Variants in CLMN observed in about 807,000 individuals in gnomAD.
CLMN encodes the protein calmin, also known as calmin (calponin-like, transmembrane).
CLMN carries 57 observed loss-of-function variants against 92.7 expected under a neutral mutation model. The observed-to-expected ratio is 0.61, with a 90% CI of 0.50 to 0.77. CLMN has a LOEUF of 0.77. Among genes scored for constraint, CLMN ranks in the 30% least tolerant of loss-of-function variants. CLMN has a pLI of 0.00. For missense variants in CLMN, 1,158 were observed against 1,237.5 expected (o/e 0.94, Z 0.96); for synonymous variants, 466 against 470.6 (o/e 0.99, Z 0.13).
In CLMN at chr14:95,210,742, T is replaced by G. The variant is rs773839918; in HGVS notation, c.746A>C (p.Lys249Thr). The G allele has an allele frequency of 3.1e-6, 5 of 1,609,964 alleles. No individual in the cohort carries two copies. Among genetic ancestry groups the G allele is most frequent in the Admixed American group, 1.7e-5 (1 of 59,378 alleles). ...LENSTRENLE[K>T]AFSIAQDALH... The stretch of plus-strand genomic sequence containing the variant: ...GGCATCCTGTGCGATGCTGAAAGCC[T>G]TCTCTAGATTTTCTCGTGTGGAATT... The change falls in exon 7 of 13, where the codon AAG becomes ACG. Residue 249 changes from lysine (K) to threonine (T), a missense_variant. Lys to Thr is a moderately conservative substitution (Grantham distance 78). Transcript: ENST00000298912.
At chr14:95,218,222 GGTAA>G (rs1223041730) in intron 4 of CLMN, among the ~76,000 whole-genome samples, 2 of 152,176 alleles carry the variant, frequency 1.3e-5, no homozygotes, top group African/African-American at 4.8e-5. Context: ...TCAGGGGCCT[GGTAA>G]GTGATGACAG....
intron 3 of CLMN, chr14:95,222,527 T>C (rs1054747282): frequency 1.3e-5 from 6 of 454,546 alleles, no homozygotes; most frequent in Admixed American, 2.4e-5. Context: ...GGAGGCCTGT[T>C]CTTGGCTGGG....
chr14:95,280,025 G>A (rs1356966745), intron 1 of CLMN, among the ~76,000 whole-genome samples: 1 of 151,414 alleles, frequency 6.6e-6, no homozygotes, highest in Non-Finnish European at 1.5e-5. Flanking sequence ...AAGTTAGATA[G>A]GCTAAAGCTG....
intron 1 of CLMN, among the ~76,000 whole-genome samples, chr14:95,252,818 G>A (rs763767578): frequency 2.6e-5 from 4 of 152,188 alleles, no homozygotes; most frequent in African/African-American, 4.8e-5. Flanking sequence ...GTGCTGTCAC[G>A]TGTGATGCCG....
chr14:95,193,294 AC>A (rs1468239968), intron 12 of CLMN: 4 of 1,475,842 alleles, frequency 2.7e-6, no homozygotes, highest in Non-Finnish European at 2.7e-6. Flanking sequence ...GGCCAGGCCA[AC>A]AGTTCTCCGA....
At chr14:95,237,916 G>A (rs1266470950) in intron 1 of CLMN, among the ~76,000 whole-genome samples, 4 of 152,120 alleles carry the variant, frequency 2.6e-5, no homozygotes, top group Non-Finnish European at 4.4e-5. Flanking sequence ...AACTGCAAGC[G>A]TCCTTGGCTC....
chr14:95,297,850 C>G (rs897358866), intron 1 of CLMN, among the ~76,000 whole-genome samples: 1 of 142,298 alleles, frequency 7.0e-6, no homozygotes, highest in Non-Finnish European at 1.6e-5. Flanking sequence ...CACACACACA[C>G]AGAGTGCATG....
At chr14:95,208,267 C>T (rs1044078371) in intron 8 of CLMN, among the ~76,000 whole-genome samples, 1 of 152,098 alleles carries the variant, frequency 6.6e-6, no homozygotes, top group African/African-American at 2.4e-5. Context: ...TCTGAGTCCC[C>T]TAAGCCAGGG....
At chr14:95,242,125 T>C (rs1297944005) in intron 1 of CLMN, among the ~76,000 whole-genome samples, 1 of 150,530 alleles carries the variant, frequency 6.6e-6, no homozygotes, top group Non-Finnish European at 1.5e-5. Flanking sequence ...CAGTCCTGGG[T>C]GCACATGATG....
At chr14:95,240,592 G>A (rs115516520) in intron 1 of CLMN, among the ~76,000 whole-genome samples, 2,887 of 152,260 alleles carry the variant, frequency 0.019, 83 homozygotes, top group African/African-American at 0.053. Context: ...TGTTGAGTGA[G>A]AAATAAATAT....
intron 1 of CLMN, chr14:95,296,079 T>G (rs1900798827): frequency 6.6e-6 from 1 of 152,252 alleles, no homozygotes; most frequent in Non-Finnish European, 1.5e-5. Context: ...TTTTATGCTG[T>G]TATAACAGAA....
chr14:95,205,231 G>A (rs918302370), intron 8 of CLMN, among the ~76,000 whole-genome samples: 9 of 151,914 alleles, frequency 5.9e-5, no homozygotes, highest in African/African-American at 2.2e-4. Flanking sequence ...ATTTCCTGAG[G>A]GAAAAAAATG....
intron 1 of CLMN, among the ~76,000 whole-genome samples, chr14:95,276,692 A>T (rs1463853623): frequency 6.6e-6 from 1 of 152,184 alleles, no homozygotes; most frequent in African/African-American, 2.4e-5. Flanking sequence ...CCACATGTTG[A>T]AACTCCTGGT....
chr14:95,225,265 A>G (rs1223293072), intron 2 of CLMN, among the ~76,000 whole-genome samples: 1 of 152,098 alleles, frequency 6.6e-6, no homozygotes, highest in Non-Finnish European at 1.5e-5. Context: ...AGGCCGTTAG[A>G]CACACCTGAG....
At chr14:95,301,044 G>A (rs896152690) in intron 1 of CLMN, among the ~76,000 whole-genome samples, 2 of 152,236 alleles carry the variant, frequency 1.3e-5, no homozygotes, top group Non-Finnish European at 2.9e-5. Context: ...AATTTTCCAT[G>A]AAGTAACTTT....
At position 95,213,366 on chromosome 14, in the gene CLMN, G is replaced by A. The variant is rs749872257; in HGVS notation, c.461C>T (p.Ser154Phe). Residue 154 changes from serine (S) to phenylalanine (F), a missense_variant, in exon 6 of 13, where the codon TCC becomes TTC. Ser to Phe is a radical substitution (Grantham distance 155). Coordinates refer to ENST00000298912, the MANE Select transcript of CLMN (RefSeq NM_024734.4). ...TGNLSRNSPSSSLSPGSGGTD... is the reference protein window; with the variant it reads ...TGNLSRNSPSFSLSPGSGGTD... Reference sequence around the variant, plus strand: ...GCCCCCTGAGCCAGGGGACAAGCTGGAAGATGGAGAGTTTCTGCTGAGGTT... The same window carrying A: ...GCCCCCTGAGCCAGGGGACAAGCTGAAAGATGGAGAGTTTCTGCTGAGGTT... The A allele has an allele frequency of 1.9e-6, 3 of 1,612,498 alleles. No homozygotes were observed. Among genetic ancestry groups the A allele is most frequent in the African/African-American group, 1.3e-5 (1 of 74,826 alleles).
At chr14:95,278,542 T>C (rs956351598) in intron 1 of CLMN, among the ~76,000 whole-genome samples, 1 of 152,184 alleles carries the variant, frequency 6.6e-6, no homozygotes, top group Non-Finnish European at 1.5e-5. Flanking sequence ...GTTTTCCTCA[T>C]GGAACCCCAG....
Position 95,318,779 on chromosome 14 carries a change from A to C in CLMN, c.82+932T>G, listed in dbSNP as rs550608116. Among the ~76,000 whole-genome samples the C allele has an allele frequency of 2.0e-5, 3 of 152,294 alleles. No homozygotes were observed. In the South Asian group the frequency reaches 6.2e-4, roughly 32 times the overall value. ...GAAGTGGTGTTCTGTCTAGTTCTGC[A>C]AAGCCCATATATGAAAAAAAAGAAG... On this transcript the variant is annotated intron_variant, in intron 1 of 12. Coordinates refer to ENST00000298912, the MANE Select transcript of CLMN (RefSeq NM_024734.4).
chr14:95,315,046 A>G (rs1037571958), intron 1 of CLMN, among the ~76,000 whole-genome samples: 1 of 152,110 alleles, frequency 6.6e-6, no homozygotes, highest in Non-Finnish European at 1.5e-5. Context: ...AACGGTGACC[A>G]TGGCAGCATC....
Sources: gnomAD v4.1 joint callset for allele counts (sites outside exome capture counted in the v4.1 genomes callset) on GRCh38, gnomAD v4.1.1 for gene constraint, MANE v1.5 for transcripts, NCBI Gene and HGNC (gene_info 2026-07-23, HGNC 2026-07-21) for gene names.